PPP2R2B: variants seen among roughly 807,000 people sequenced by gnomAD.
PPP2R2B encodes serine/threonine-protein phosphatase 2A 55 kDa regulatory subunit B beta isoform.
In PPP2R2B, 5 loss-of-function variants were observed where a neutral mutation model predicts 46.0. That is an observed-to-expected ratio of 0.11 (90% confidence interval 0.06 to 0.23). The LOEUF (loss-of-function observed/expected upper bound fraction) is 0.23, where lower values mean the gene tolerates loss of function less well. Among genes scored for constraint, PPP2R2B ranks in the 10% least tolerant of loss-of-function variants. PPP2R2B has a pLI of 1.00. For synonymous variants in PPP2R2B, 215 were observed against 206.7 expected, an observed-to-expected ratio of 1.04 and a Z score of -0.34; for missense variants, 367 against 575.0, an observed-to-expected ratio of 0.64 and a Z score of 3.70.
At chr5:146,822,755 A>T (rs368445996) in intron 2 of PPP2R2B, among the ~76,000 whole-genome samples, 1 of 152,198 alleles carries the variant, frequency 6.6e-6, no homozygotes, top group East Asian at 1.9e-4. Flanking sequence ...TATGACCAAC[A>T]CATGAAACAG....
chr5:146,774,110 C>A (rs1374426532), intron 2 of PPP2R2B, among the ~76,000 whole-genome samples: 1 of 152,132 alleles, frequency 6.6e-6, no homozygotes, highest in East Asian at 1.9e-4. Context: ...TTAAATCTTT[C>A]TTTGATTTTC....
chr5:146,688,553 T>A (rs1323212675), intron 5 of PPP2R2B, among the ~76,000 whole-genome samples: 1 of 151,934 alleles, frequency 6.6e-6, no homozygotes, highest in Non-Finnish European at 1.5e-5. Context: ...GTTACACAGC[T>A]GGTTAGTAAG....
intron 1 of PPP2R2B, among the ~76,000 whole-genome samples, chr5:146,912,114 C>A (rs1442835324): frequency 6.6e-6 from 1 of 151,972 alleles, no homozygotes; most frequent in Non-Finnish European, 1.5e-5. Context: ...CGGCATGTGC[C>A]TGTAGTCCCA....
Position 146,661,969 on chromosome 5 carries a change from G to A in PPP2R2B, c.448-11245C>T, listed in dbSNP as rs78099204. The stretch of plus-strand genomic sequence containing the variant: ...TGGGGAGAGTGGGATTGGGAGAGGC[G>A]GTGGTTTAATTTTTGGTTAGTTTGG... On this transcript the variant is annotated intron_variant, in intron 5 of 9. Coordinates refer to ENST00000394411, the MANE Select transcript of PPP2R2B (RefSeq NM_181675.4). 5.3e-5 allele frequency among the ~76,000 whole-genome samples: 8 copies of A among 152,180 alleles called. No individual in the cohort carries two copies. The East Asian group carries it at 1.5e-3, about 29-fold the overall frequency.
chr5:146,818,085 T>G (rs779602384), intron 2 of PPP2R2B, among the ~76,000 whole-genome samples: 6 of 152,130 alleles, frequency 3.9e-5, no homozygotes, highest in Non-Finnish European at 7.3e-5. Context: ...TAAGACTGGG[T>G]CAGGTTATCT....
chr5:146,598,543 G>T (rs923962576), intron 8 of PPP2R2B, among the ~76,000 whole-genome samples: 10 of 152,170 alleles, frequency 6.6e-5, no homozygotes, highest in African/African-American at 2.4e-4. Context: ...TGCTGTGTCT[G>T]TTTGGATGTT....
intron 2 of PPP2R2B, among the ~76,000 whole-genome samples, chr5:146,756,154 C>T (rs1174112110): frequency 6.6e-6 from 1 of 152,110 alleles, no homozygotes; most frequent in Non-Finnish European, 1.5e-5. Context: ...CTGAAAGATT[C>T]TGAATCAGTA....
At chr5:146,998,010 G>T (rs1184741769) in intron 1 of PPP2R2B, among the ~76,000 whole-genome samples, 1 of 152,190 alleles carries the variant, frequency 6.6e-6, no homozygotes, top group African/African-American at 2.4e-5. Flanking sequence ...GGGAAACAAA[G>T]AGGGGTCATA....
intron 1 of PPP2R2B, among the ~76,000 whole-genome samples, chr5:146,933,159 G>T (rs949444780): frequency 5.3e-5 from 8 of 152,158 alleles, no homozygotes; most frequent in African/African-American, 1.4e-4. Context: ...CAGCAGCTGA[G>T]ATTTCAAGTA....
At chr5:146,993,107 T>A (rs1753773201) in intron 1 of PPP2R2B, among the ~76,000 whole-genome samples, 2 of 151,988 alleles carry the variant, frequency 1.3e-5, no homozygotes, top group Admixed American at 1.3e-4. Context: ...CATGCCCAGC[T>A]AATTTTTGCA....
intron 2 of PPP2R2B, among the ~76,000 whole-genome samples, chr5:146,784,647 G>A (rs185230148): frequency 6.6e-6 from 1 of 152,196 alleles, no homozygotes. Context: ...ACTATTAAAA[G>A]TGCTAGTTCA....
exon 2 of PPP2R2B, chr5:147,081,127 G>A (rs1561618905): frequency 1.3e-6 from 2 of 1,535,630 alleles, no homozygotes; most frequent in African/African-American, 1.4e-5. Context: ...CTGGGTGAGT[G>A]TCCCAATTCC....
At chr5:146,826,305 C>T (rs1283278093) in intron 2 of PPP2R2B, among the ~76,000 whole-genome samples, 1 of 152,154 alleles carries the variant, frequency 6.6e-6, no homozygotes, top group African/African-American at 2.4e-5. Context: ...CTACAGCCTT[C>T]TAAATCTAAA....
At chr5:146,676,402 T>C (rs1019148931) in intron 5 of PPP2R2B, among the ~76,000 whole-genome samples, 5 of 152,176 alleles carry the variant, frequency 3.3e-5, no homozygotes, top group African/African-American at 9.7e-5. Context: ...ACACATCCCC[T>C]GCACTCAGCT....
chr5:146,903,964 C>T (rs1003753559), intron 1 of PPP2R2B, among the ~76,000 whole-genome samples: 1 of 152,094 alleles, frequency 6.6e-6, no homozygotes, highest in Non-Finnish European at 1.5e-5. Flanking sequence ...ACATAATGAT[C>T]ATTATATTGT....
chr5:146,624,755 C>T (rs1773931683), intron 7 of PPP2R2B, among the ~76,000 whole-genome samples: 1 of 152,214 alleles, frequency 6.6e-6, no homozygotes, highest in South Asian at 2.1e-4. Context: ...GCACAGAAGA[C>T]AATGTGAATG....
chr5:147,054,801 T>TC (rs1561602883), intron 1 of PPP2R2B: 1 of 400,326 alleles, frequency 2.5e-6, no homozygotes, highest in Non-Finnish European at 5.0e-6. Context: ...AGTAGGACAA[T>TC]CCTTAAGCCT....
intron 2 of PPP2R2B, among the ~76,000 whole-genome samples, chr5:146,850,449 G>A (rs886140917): frequency 7.2e-5 from 11 of 152,102 alleles, no homozygotes; most frequent in African/African-American, 2.4e-4. Flanking sequence ...GCAAGACTCT[G>A]CAAGATGTGG....
rs1770173129 is a variant in PPP2R2B, at chr5:146,586,540, A to G, written c.*3407T>C. On this transcript the variant is annotated 3_prime_UTR_variant, in exon 10 of 10. Coordinates refer to ENST00000394411, the MANE Select transcript of PPP2R2B (RefSeq NM_181675.4). ...TGTACCTTTTATTATAATGGACCCT[A>G]GAATATTCAAAGGAAGTTTAGTGGA... The G allele has an allele frequency of 6.6e-6, 1 of 152,212 alleles. No homozygotes were observed. The highest frequency in any genetic ancestry group is 2.4e-5 in the African/African-American group (1 of 41,466). The allele number at this position is 152,212 out of a possible 1,614,324, so 9.4% of individuals were successfully genotyped here. A position where few individuals can be genotyped will look rare whatever the true frequency, so the allele number is the denominator to read the frequency against.
Sources: allele counts gnomAD v4.1 joint callset (sites outside exome capture counted in the v4.1 genomes callset), GRCh38; gene constraint gnomAD v4.1.1; transcripts MANE v1.5; gene names NCBI Gene and HGNC (gene_info 2026-07-23, HGNC 2026-07-21).